Variants in TMED3 observed in about 807,000 individuals in gnomAD.
TMED3 encodes transmembrane emp24 domain-containing protein 3.
In TMED3, 9 loss-of-function variants were observed where a neutral mutation model predicts 15.0. The ratio of observed to expected loss-of-function variants is 0.60; its 90% confidence interval spans 0.36 to 1.04. The LOEUF (loss-of-function observed/expected upper bound fraction) is 1.04. TMED3 is among the 50% of genes least tolerant of loss of function. The pLI, the probability that TMED3 is intolerant of heterozygous loss-of-function variation, is 0.01. For synonymous variants in TMED3, 117 were observed against 121.4 expected, an observed-to-expected ratio of 0.96 and a Z score of 0.24; for missense variants, 267 against 278.9, an observed-to-expected ratio of 0.96 and a Z score of 0.30.
intron 2 of TMED3, among the ~76,000 whole-genome samples, chr15:79,347,663 T>C (rs751172099): frequency 2.6e-5 from 4 of 152,186 alleles, no homozygotes; most frequent in Non-Finnish European, 5.9e-5. Context: ...CCCCTTATAC[T>C]AATAAAGAAC....
chr15:79,337,014 T>C (rs372770149), intron 2 of TMED3, among the ~76,000 whole-genome samples: 2 of 152,206 alleles, frequency 1.3e-5, no homozygotes, highest in African/African-American at 4.8e-5. Flanking sequence ...CAGGCCTCAC[T>C]ACTACCAAGC....
At chr15:79,316,570 G>T (rs965432758) in intron 2 of TMED3, among the ~76,000 whole-genome samples, 1 of 152,224 alleles carries the variant, frequency 6.6e-6, no homozygotes, top group Non-Finnish European at 1.5e-5. Flanking sequence ...TTTGTCAGTG[G>T]TTACAGACTG....
chr15:79,324,670 G>A (rs1567023992), downstream of TMED3, among the ~76,000 whole-genome samples: 1 of 152,118 alleles, frequency 6.6e-6, no homozygotes, highest in African/African-American at 2.4e-5. Flanking sequence ...AATGTATGAG[G>A]CTTTAGAGTT....
intron 2 of TMED3, among the ~76,000 whole-genome samples, chr15:79,404,534 T>C (rs1178412048): frequency 3.2e-5 from 1 of 31,150 alleles, no homozygotes; most frequent in Non-Finnish European, 1.0e-4. Flanking sequence ...TCCTTTGCCG[T>C]GCATATTCTT....
At chr15:79,314,132 T>C in intron 2 of TMED3, 127 bp downstream of exon 2, 5 of 1,290,326 alleles carry the variant, frequency 3.9e-6, no homozygotes, top group Non-Finnish European at 5.2e-6. Context: ...TCAGGGTTGG[T>C]TTTGTCTCTT....
At chr15:79,356,377 G>T (rs2058918842) in intron 2 of TMED3, among the ~76,000 whole-genome samples, 2 of 152,126 alleles carry the variant, frequency 1.3e-5, no homozygotes, top group South Asian at 2.1e-4. Flanking sequence ...GCACATAAAA[G>T]GTGCTCAATA....
chr15:79,312,260 C>G (rs1335113815), intron 1 of TMED3, among the ~76,000 whole-genome samples: 2 of 152,180 alleles, frequency 1.3e-5, no homozygotes, highest in Non-Finnish European at 2.9e-5. Context: ...GTTAGAGGCA[C>G]TGAAGGAAGC....
intron 2 of TMED3, among the ~76,000 whole-genome samples, chr15:79,372,842 T>C (rs1893364953): frequency 6.6e-6 from 1 of 152,206 alleles, no homozygotes; most frequent in Admixed American, 6.5e-5. Context: ...ACAGAATCCT[T>C]TAGAATTCTC....
intron 2 of TMED3, chr15:79,383,181 A>T: frequency 1.5e-6 from 1 of 679,368 alleles, no homozygotes; most frequent in Middle Eastern, 2.8e-4. Flanking sequence ...GTTATTGCTT[A>T]CGTGGTAATC....
chr15:79,359,223 A>C (rs1893075876), intron 2 of TMED3, among the ~76,000 whole-genome samples: 1 of 142,732 alleles, frequency 7.0e-6, no homozygotes. Context: ...TTGAAGGAGA[A>C]GGCTCAGTTT....
intron 2 of TMED3, among the ~76,000 whole-genome samples, chr15:79,329,852 T>A (rs2058801598): frequency 6.6e-6 from 1 of 152,214 alleles, no homozygotes; most frequent in Non-Finnish European, 1.5e-5. Flanking sequence ...ACAATTTTTT[T>A]AAGCAGCATG....
chr15:79,322,300 C>T lies in TMED3; in HGVS notation c.*86C>T. ...AGCCTGCTGGGCTGGGTCGCGTAGCCCAGGGTGGAGGCAGAACGATGCTGC... is the reference window on the plus strand; with the variant it reads ...AGCCTGCTGGGCTGGGTCGCGTAGCTCAGGGTGGAGGCAGAACGATGCTGC... On this transcript the variant is annotated 3_prime_UTR_variant, in exon 3 of 3. Coordinates refer to ENST00000299705, the MANE Select transcript of TMED3 (RefSeq NM_007364.4). 2.0e-6 allele frequency: 3 copies of T among 1,530,656 alleles called. No homozygotes were observed. The highest frequency in any genetic ancestry group is 2.6e-5 in the South Asian group (2 of 77,160). The allele number at this position is 1,530,656 out of a possible 1,614,324, so 94.8% of individuals were successfully genotyped here. A position where few individuals can be genotyped will look rare whatever the true frequency, so the allele number is the denominator to read the frequency against.
chr15:79,387,156 A>C (rs907498166), intron 2 of TMED3, among the ~76,000 whole-genome samples: 6 of 152,170 alleles, frequency 3.9e-5, no homozygotes, highest in African/African-American at 1.2e-4. Flanking sequence ...AGTCTCTTGC[A>C]TTTCCACTAA....
At chr15:79,331,389 C>T (rs915103784) in intron 2 of TMED3, among the ~76,000 whole-genome samples, 1 of 126,000 alleles carries the variant, frequency 7.9e-6, no homozygotes, top group African/African-American at 2.9e-5. Flanking sequence ...TTATCTTTCA[C>T]CCAACACAAA....
chr15:79,311,141 C>T lies in TMED3; in HGVS notation c.-109C>T. 8.0e-7 allele frequency: 1 copy of T among 1,245,212 alleles called. No individual in the cohort carries two copies. The highest frequency in any genetic ancestry group is 1.1e-6 in the Non-Finnish European group (1 of 936,216). 77.1% of individuals were successfully genotyped at this position (1,245,212 alleles called of 1,614,324 possible). Reference sequence around the variant, plus strand: ...CCGGAAGCGCAGAGCTCCGCTGGTGCCACGTCTATCCCCTTACATCCTCCT... The same window carrying T: ...CCGGAAGCGCAGAGCTCCGCTGGTGTCACGTCTATCCCCTTACATCCTCCT... On this transcript the variant is annotated 5_prime_UTR_variant, in exon 1 of 3. Transcript: ENST00000299705.
chr15:79,361,236 A>G (rs1893122420), intron 2 of TMED3, among the ~76,000 whole-genome samples: 1 of 152,226 alleles, frequency 6.6e-6, no homozygotes, highest in African/African-American at 2.4e-5. Flanking sequence ...GGTGTGGATT[A>G]CAGAAGACTT....
intron 2 of TMED3, among the ~76,000 whole-genome samples, chr15:79,330,364 C>T (rs931143339): frequency 6.6e-6 from 1 of 151,316 alleles, no homozygotes; most frequent in East Asian, 1.9e-4. Context: ...ACATACAAAA[C>T]ACAGTAACAT....
intron 2 of TMED3, among the ~76,000 whole-genome samples, chr15:79,388,941 T>A (rs1048205972): frequency 6.6e-6 from 1 of 152,164 alleles, no homozygotes; most frequent in African/African-American, 2.4e-5. Flanking sequence ...ATGAGATTGT[T>A]TTTTTTCTTA....
At chr15:79,325,621 C>T (rs770554399), downstream of TMED3, among the ~76,000 whole-genome samples, 6 of 152,118 alleles carry the variant, frequency 3.9e-5, no homozygotes, top group East Asian at 1.9e-4. Flanking sequence ...TGAAGTCCCA[C>T]GATAGGTCCT....
Sources: allele counts gnomAD v4.1 joint callset (sites outside exome capture counted in the v4.1 genomes callset), GRCh38; gene constraint gnomAD v4.1.1; transcripts MANE v1.5; gene names NCBI Gene and HGNC (gene_info 2026-07-23, HGNC 2026-07-21).